The following DAB1 variants were observed in gnomAD, a reference collection of about 807,000 sequenced individuals.
The protein encoded by DAB1 is disabled homolog 1.
DAB1 carries 15 observed loss-of-function variants against 64.6 expected under a neutral mutation model. The observed-to-expected ratio is 0.23, with a 90% CI of 0.16 to 0.36. DAB1 has a LOEUF of 0.36. Ranked by LOEUF, DAB1 falls within the 10% of genes least tolerant of loss-of-function variation. DAB1 has a pLI of 1.00. For synonymous variants in DAB1, 235 were observed against 251.9 expected, an observed-to-expected ratio of 0.93 and a Z score of 0.64; for missense variants, 596 against 706.7, an observed-to-expected ratio of 0.84 and a Z score of 1.78.
At chr1:58,304,037 T>G (rs1662241186) in intron 4 of DAB1, among the ~76,000 whole-genome samples, 1 of 152,156 alleles carries the variant, frequency 6.6e-6, no homozygotes, top group African/African-American at 2.4e-5. Context: ...ATATTAGCCT[T>G]GCAAATAGAC....
chr1:58,044,456 A>G (rs1238682755), intron 5 of DAB1, among the ~76,000 whole-genome samples: 1 of 151,644 alleles, frequency 6.6e-6, no homozygotes, highest in Admixed American at 6.6e-5. Context: ...CTTGTATGCG[A>G]CCAACTCCTT....
intron 5 of DAB1, among the ~76,000 whole-genome samples, chr1:58,094,567 C>T (rs1650870808): frequency 6.6e-6 from 1 of 152,236 alleles, no homozygotes; most frequent in African/African-American, 2.4e-5. Context: ...GTTCTGGTTT[C>T]TTCAAGTGAA....
chr1:57,493,744 C>T (rs1250952987), intron 7 of DAB1, among the ~76,000 whole-genome samples: 1 of 147,770 alleles, frequency 6.8e-6, no homozygotes, highest in Admixed American at 6.7e-5. Context: ...AAGAGGGAGG[C>T]AGGCTGACGT....
At chr1:57,926,609 CT>C (rs1386729808) in intron 5 of DAB1, among the ~76,000 whole-genome samples, 1 of 152,172 alleles carries the variant, frequency 6.6e-6, no homozygotes, top group African/African-American at 2.4e-5. Context: ...TGATCCTGTT[CT>C]TGTTTTTCCT....
chr1:57,216,037 C>T (rs1666401197), intron 2 of DAB1, among the ~76,000 whole-genome samples: 1 of 152,136 alleles, frequency 6.6e-6, no homozygotes, highest in Admixed American at 6.5e-5. Context: ...AGAATTAATT[C>T]TGGAAATAGA....
At chr1:57,374,567 TTAAG>T (rs1383352999) in intron 1 of DAB1, among the ~76,000 whole-genome samples, 1 of 152,180 alleles carries the variant, frequency 6.6e-6, no homozygotes, top group African/African-American at 2.4e-5. Context: ...GAGATAAAAA[TTAAG>T]TGTTTAAGCT....
intron 7 of DAB1, 68 bp downstream of exon 7, chr1:57,070,955 G>T: frequency 2.2e-6 from 3 of 1,386,276 alleles, no homozygotes; most frequent in South Asian, 2.3e-5. Flanking sequence ...TCAGGTTTCT[G>T]ACAAAATGGC....
At chr1:57,365,448 C>T (rs1570377163) in intron 1 of DAB1, among the ~76,000 whole-genome samples, 1 of 147,106 alleles carries the variant, frequency 6.8e-6, no homozygotes, top group East Asian at 2.0e-4. Flanking sequence ...ACTATATATT[C>T]TTACATATAA....
At chr1:57,836,877 G>C (rs1022626308) in intron 1 of DAB1, among the ~76,000 whole-genome samples, 1 of 151,932 alleles carries the variant, frequency 6.6e-6, no homozygotes, top group African/African-American at 2.4e-5. Context: ...TCAACAAACC[G>C]AGCACTTCAT....
chr1:57,995,793 TA>T (rs1646415556), intron 5 of DAB1, among the ~76,000 whole-genome samples: 1 of 151,904 alleles, frequency 6.6e-6, no homozygotes. Context: ...CAGGGGTCTT[TA>T]AATTGCTATT....
chr1:58,245,202 C>T (rs896733260), intron 4 of DAB1, among the ~76,000 whole-genome samples: 17 of 152,134 alleles, frequency 1.1e-4, no homozygotes, highest in African/African-American at 3.1e-4. Context: ...GCAAACCCCC[C>T]GCCGCCTCAG....
At chr1:58,388,738 A>C (rs981732240) in intron 3 of DAB1, among the ~76,000 whole-genome samples, 1 of 152,210 alleles carries the variant, frequency 6.6e-6, no homozygotes, top group African/African-American at 2.4e-5. Flanking sequence ...GCAACAAGAG[A>C]AGTGTTACAG....
chr1:57,837,389 C>G (rs1044499189), intron 1 of DAB1, among the ~76,000 whole-genome samples: 2 of 152,156 alleles, frequency 1.3e-5, no homozygotes, highest in African/African-American at 4.8e-5. Flanking sequence ...CTTGACTTCT[C>G]CCAGGTAACA....
intron 5 of DAB1, among the ~76,000 whole-genome samples, chr1:58,013,435 C>G (rs1453081611): frequency 6.6e-6 from 1 of 152,168 alleles, no homozygotes; most frequent in Admixed American, 6.6e-5. Context: ...TCAGAGACCA[C>G]AGCAGGGGGC....
At chr1:57,004,342 T>C (rs535876432) in intron 14 of DAB1, among the ~76,000 whole-genome samples, 1 of 152,354 alleles carries the variant, frequency 6.6e-6, no homozygotes, top group African/African-American at 2.4e-5. Context: ...TTAATATTTC[T>C]TGTATTTGTT....
intron 9 of DAB1, among the ~76,000 whole-genome samples, chr1:57,060,402 G>A (rs368433979): frequency 1.3e-5 from 2 of 152,010 alleles, no homozygotes; most frequent in East Asian, 1.9e-4. Context: ...TGCTCGCCTC[G>A]GCCTCCCAAA....
At chr1:58,429,797 G>C (rs1644852260) in intron 3 of DAB1, among the ~76,000 whole-genome samples, 1 of 152,170 alleles carries the variant, frequency 6.6e-6, no homozygotes, top group Non-Finnish European at 1.5e-5. Context: ...ATATAGTAAT[G>C]ATGACTGTCT....
intron 5 of DAB1, among the ~76,000 whole-genome samples, chr1:58,029,325 A>G (rs895137481): frequency 2.6e-5 from 4 of 152,214 alleles, no homozygotes; most frequent in Non-Finnish European, 5.9e-5. Context: ...TAAAAGATCA[A>G]AATGCAGGTT....
chr1:58,099,128 C>T (rs1036818003), intron 5 of DAB1, among the ~76,000 whole-genome samples: 3 of 152,176 alleles, frequency 2.0e-5, no homozygotes, highest in Non-Finnish European at 4.4e-5. Context: ...CTGTGATCTC[C>T]TTTTCCATCC....
Sources: gnomAD v4.1 joint callset for allele counts (sites outside exome capture counted in the v4.1 genomes callset) on GRCh38, gnomAD v4.1.1 for gene constraint, MANE v1.5 for transcripts, NCBI Gene and HGNC (gene_info 2026-07-23, HGNC 2026-07-21) for gene names.